Variants in NBAS observed in about 807,000 individuals in gnomAD.
NBAS encodes the protein NAG/BC035112 fusion.
A neutral mutation model predicts 302.5 loss-of-function variants in NBAS; 219 were observed. The ratio of observed to expected loss-of-function variants is 0.72; its 90% CI spans 0.65 to 0.81. The LOEUF is 0.81. Ranked by LOEUF, NBAS falls within the 30% of genes least tolerant of loss-of-function variation. The pLI is 0.00. For missense variants in NBAS, 2,932 were observed against 2,841.6 expected (o/e 1.03, Z -0.72); for synonymous variants, 1,118 against 1,021.6 (o/e 1.09, Z -1.80).
the NBAS span, among the ~76,000 whole-genome samples, chr2:15,075,703 G>A: frequency 1.3e-5 from 2 of 151,534 alleles, no homozygotes; most frequent in South Asian, 4.2e-4. Flanking sequence ...TTTCCTATTG[G>A]GATCCTGATA....
At chr2:15,194,160 A>C (rs777026630) in intron 48 of NBAS, among the ~76,000 whole-genome samples, 2 of 152,188 alleles carry the variant, frequency 1.3e-5, no homozygotes, top group Non-Finnish European at 2.9e-5. Context: ...ACATATCTAA[A>C]AACTTCCAAA....
chr2:15,241,773 C>T (rs551064202), intron 44 of NBAS, among the ~76,000 whole-genome samples: 1 of 152,290 alleles, frequency 6.6e-6, no homozygotes, highest in South Asian at 2.1e-4. Flanking sequence ...AAATTTGTCA[C>T]ATGTTTCCCT....
At chr2:15,556,253 A>G (rs180796985) in intron 3 of NBAS, among the ~76,000 whole-genome samples, 1 of 152,210 alleles carries the variant, frequency 6.6e-6, no homozygotes, top group Non-Finnish European at 1.5e-5. Flanking sequence ...CTATAAAACA[A>G]TTCCTACACA....
At chr2:15,322,873 GA>G (rs1671883675) in intron 38 of NBAS, among the ~76,000 whole-genome samples, 1 of 151,938 alleles carries the variant, frequency 6.6e-6, no homozygotes, top group African/African-American at 2.4e-5. Context: ...ATGTGATAGG[GA>G]ATAGGAAAAT....
the NBAS span, among the ~76,000 whole-genome samples, chr2:15,116,415 G>C: frequency 2.7e-5 from 4 of 150,748 alleles, no homozygotes; most frequent in African/African-American, 7.3e-5. Context: ...ATGGCAGAGA[G>C]AGAGAGAGAG....
chr2:15,472,107 C>A (rs1398559192), intron 16 of NBAS, among the ~76,000 whole-genome samples: 1 of 152,126 alleles, frequency 6.6e-6, no homozygotes, highest in Admixed American at 6.5e-5. Flanking sequence ...CCTCTCAGCT[C>A]CAAATTTCCC....
the NBAS span, among the ~76,000 whole-genome samples, chr2:15,104,393 T>C: frequency 1.3e-5 from 2 of 152,276 alleles, no homozygotes; most frequent in African/African-American, 4.8e-5. Context: ...CTATCTATTG[T>C]CCATATAACT....
the NBAS span, among the ~76,000 whole-genome samples, chr2:14,857,146 A>G: frequency 6.6e-6 from 1 of 152,214 alleles, no homozygotes; most frequent in African/African-American, 2.4e-5. Flanking sequence ...AATGAAAACT[A>G]TAGAACACTG....
the NBAS span, among the ~76,000 whole-genome samples, chr2:15,115,990 C>T: frequency 6.6e-6 from 1 of 152,168 alleles, no homozygotes; most frequent in African/African-American, 2.4e-5. Flanking sequence ...TTACATAATG[C>T]CTTAGTTCTC....
At chr2:15,317,589 A>G (rs1225124089) in intron 38 of NBAS, among the ~76,000 whole-genome samples, 1 of 152,230 alleles carries the variant, frequency 6.6e-6, no homozygotes, top group Non-Finnish European at 1.5e-5. Context: ...ATGGCACGAG[A>G]ACTTCATGAT....
the NBAS span, among the ~76,000 whole-genome samples, chr2:14,873,701 A>T: frequency 6.6e-6 from 1 of 151,074 alleles, no homozygotes; most frequent in African/African-American, 2.4e-5. Context: ...AAAAAAAAAA[A>T]CCCACACATA....
At chr2:15,374,386 C>T (rs1674632867) in intron 31 of NBAS, among the ~76,000 whole-genome samples, 1 of 152,056 alleles carries the variant, frequency 6.6e-6, no homozygotes, top group African/African-American at 2.4e-5. Context: ...AAATGTTATA[C>T]ACGTGAAATT....
chr2:15,321,108 A>G (rs376396480), intron 38 of NBAS, among the ~76,000 whole-genome samples: 1 of 152,108 alleles, frequency 6.6e-6, no homozygotes, highest in Non-Finnish European at 1.5e-5. Flanking sequence ...ACAACCATCT[A>G]ATCTTTGACA....
intron 44 of NBAS, among the ~76,000 whole-genome samples, chr2:15,269,466 G>A (rs1406143347): frequency 6.6e-6 from 1 of 152,148 alleles, no homozygotes; most frequent in Non-Finnish European, 1.5e-5. Flanking sequence ...AACAAAGCGA[G>A]ACTGTGACTT....
chr2:14,961,426 A>ATT, the NBAS span, among the ~76,000 whole-genome samples: 1 of 148,130 alleles, frequency 6.8e-6, no homozygotes, highest in Non-Finnish European at 1.5e-5. Context: ...ACAAGAGCTG[A>ATT]TTTTTTTTTT....
At chr2:15,286,410 T>A (rs1449924470) in intron 42 of NBAS, among the ~76,000 whole-genome samples, 1 of 152,224 alleles carries the variant, frequency 6.6e-6, no homozygotes. Flanking sequence ...CTATTTATTA[T>A]TCTTAGGAAG....
At chr2:15,199,365 G>T (rs887517869) in intron 48 of NBAS, among the ~76,000 whole-genome samples, 2 of 152,010 alleles carry the variant, frequency 1.3e-5, no homozygotes, top group African/African-American at 2.4e-5. Flanking sequence ...AAGGCACGTG[G>T]CTTAGCATGG....
Position 15,186,808 on chromosome 2 carries a change from T to A in NBAS, c.6645A>T (p.Gly2215=), listed in dbSNP as rs755902283. ...ACATTTTCAAAACTTCATTCCCCAA[T>A]CCTTCCTTGTTCTCCATCGTACATC... ...LTRCTMENKE[G]LGNEVLKMCR... The change falls in exon 50 of 52, where the codon GGA becomes GGT. Residue 2215 remains glycine (G), a synonymous_variant. Coordinates refer to ENST00000281513, the MANE Select transcript of NBAS (RefSeq NM_015909.4). The A allele has an allele frequency of 6.2e-7, 1 of 1,613,846 alleles. No homozygotes were observed. Among genetic ancestry groups the A allele is most frequent in the Non-Finnish European group, 8.5e-7 (1 of 1,179,946 alleles).
the NBAS span, among the ~76,000 whole-genome samples, chr2:15,084,493 C>T: frequency 6.6e-6 from 1 of 152,278 alleles, no homozygotes; most frequent in South Asian, 2.1e-4. Context: ...TTAGAAATAC[C>T]TCAGAGTGCC....
Sources: gnomAD v4.1 joint callset for allele counts (sites outside exome capture counted in the v4.1 genomes callset) on GRCh38, gnomAD v4.1.1 for gene constraint, MANE v1.5 for transcripts, NCBI Gene and HGNC (gene_info 2026-07-23, HGNC 2026-07-21) for gene names.